Variants in CCDC178 observed in about 807,000 individuals in gnomAD.
CCDC178 encodes coiled-coil domain containing 178.
In CCDC178, 126 loss-of-function variants were observed where a neutral mutation model predicts 117.4. The ratio of observed to expected loss-of-function variants is 1.07; its 90% CI spans 0.93 to 1.24. CCDC178 has a LOEUF of 1.24. Ranked by LOEUF, CCDC178 falls within the 50% of genes most tolerant of loss-of-function variation. CCDC178 has a pLI of 0.00. For missense variants in CCDC178, 1,030 were observed against 986.9 expected (o/e 1.04, Z -0.59); for synonymous variants, 283 against 313.4 (o/e 0.90, Z 1.02).
chr18:33,417,317 T>C (rs1020395330), intron 2 of CCDC178, among the ~76,000 whole-genome samples: 2 of 152,150 alleles, frequency 1.3e-5, no homozygotes, highest in African/African-American at 4.8e-5. Context: ...CTAATTATGC[T>C]GAGTGAAAAA....
intron 21 of CCDC178, chr18:32,983,227 T>TTTTTCTG: frequency 9.9e-7 from 1 of 1,005,830 alleles, no homozygotes; most frequent in Admixed American, 2.0e-5. Context: ...TGTTAGAGGT[T>TTTTTCTG]ACAGTATTTC....
intron 21 of CCDC178, among the ~76,000 whole-genome samples, chr18:33,005,698 T>C (rs574103516): frequency 2.8e-4 from 42 of 152,202 alleles, no homozygotes; most frequent in Middle Eastern, 6.8e-3. Flanking sequence ...TGAGTGCCTT[T>C]GTTAGACTAT....
At chr18:32,951,823 C>G (rs1025117172) in intron 22 of CCDC178, among the ~76,000 whole-genome samples, 3 of 152,202 alleles carry the variant, frequency 2.0e-5, no homozygotes, top group Non-Finnish European at 4.4e-5. Flanking sequence ...TTAGTTACTT[C>G]CTAGATACAA....
At chr18:33,228,537 C>T (rs2059334742) in intron 15 of CCDC178, among the ~76,000 whole-genome samples, 1 of 152,202 alleles carries the variant, frequency 6.6e-6, no homozygotes, top group Non-Finnish European at 1.5e-5. Flanking sequence ...AAGAAAGATA[C>T]TACATTTGAA....
chr18:33,223,264 G>A (rs746934191), intron 17 of CCDC178, 45 bp from the exon 18 acceptor site: 7 of 1,527,352 alleles, frequency 4.6e-6, no homozygotes, highest in Non-Finnish European at 6.2e-6. Flanking sequence ...TTGCAACCCA[G>A]TTATCCTCAT....
chr18:33,280,951 T>C (rs1364651308), intron 12 of CCDC178, among the ~76,000 whole-genome samples: 1 of 151,988 alleles, frequency 6.6e-6, no homozygotes, highest in Admixed American at 6.6e-5. Context: ...TGGGGACTGT[T>C]GTGGGGTGGG....
At chr18:33,141,186 AAT>A (rs1172566559) in intron 20 of CCDC178, among the ~76,000 whole-genome samples, 1 of 152,192 alleles carries the variant, frequency 6.6e-6, no homozygotes, top group Non-Finnish European at 1.5e-5. Context: ...AAAACAGACT[AAT>A]ACATCCAGAA....
rs150911201 is a variant in CCDC178 at position 33,038,541 on chromosome 18, T to G, written c.2388+54220A>C. On this transcript the variant is annotated intron_variant, in intron 21 of 22. Coordinates refer to ENST00000383096, the MANE Select transcript of CCDC178 (RefSeq NM_001105528.4). ...CAAGGAATTCCAAGTGACCTCCTGT[T>G]GTAGAACAACAAAAACTTAGAATGT... is the stretch of plus-strand genomic sequence containing the variant. 2.2e-4 allele frequency among the ~76,000 whole-genome samples: 34 copies of G among 152,138 alleles called. No individual in the cohort carries two copies. The East Asian group carries it at 6.4e-3, about 29-fold the overall frequency.
Position 33,363,696 on chromosome 18 carries a change from A to T in CCDC178, c.348+6354T>A, listed in dbSNP as rs147709851. 2.9e-3 allele frequency among the ~76,000 whole-genome samples: 447 copies of T among 152,130 alleles called. 1 individual carries two copies. The highest frequency in any genetic ancestry group is 0.01 in the African/African-American group (434 of 41,520). On this transcript the variant is annotated intron_variant, in intron 6 of 22. Transcript: ENST00000383096. ...GGAGCAGTATTTGACTTTTCACTTT[A>T]GTTCATAGATCTATGGGTCAAAAGA...
intron 21 of CCDC178, among the ~76,000 whole-genome samples, chr18:33,022,459 T>G (rs900935881): frequency 9.2e-5 from 14 of 152,292 alleles, no homozygotes; most frequent in African/African-American, 3.1e-4. Flanking sequence ...GACAATTATA[T>G]TACACATGGA....
At chr18:33,303,139 A>G (rs2062200437) in intron 11 of CCDC178, among the ~76,000 whole-genome samples, 1 of 152,180 alleles carries the variant, frequency 6.6e-6, no homozygotes, top group Admixed American at 6.5e-5. Flanking sequence ...TACATATTCT[A>G]TATGTCAATC....
intron 6 of CCDC178, among the ~76,000 whole-genome samples, chr18:33,368,959 A>G (rs1207651607): frequency 6.6e-6 from 1 of 151,904 alleles, no homozygotes; most frequent in Admixed American, 6.6e-5. Flanking sequence ...ATCATTTTTA[A>G]CAACATGGGT....
At chr18:33,189,766 T>G (rs576161536) in intron 20 of CCDC178, among the ~76,000 whole-genome samples, 4 of 152,180 alleles carry the variant, frequency 2.6e-5, no homozygotes, top group Non-Finnish European at 4.4e-5. Context: ...ATTATGTTAT[T>G]ATCAACTCGG....
intron 21 of CCDC178, among the ~76,000 whole-genome samples, chr18:33,008,082 C>G (rs2055786819): frequency 6.6e-6 from 1 of 152,068 alleles, no homozygotes; most frequent in South Asian, 2.1e-4. Context: ...TGGACGAAAA[C>G]AGAATTTAAG....
In CCDC178 at chr18:33,241,966, T is replaced by C. The variant is rs1358990622; in HGVS notation, c.1593+3279A>G. 2.0e-5 allele frequency among the ~76,000 whole-genome samples: 3 copies of C among 151,630 alleles called. No individual in the cohort carries two copies. In the East Asian group the frequency reaches 5.8e-4, roughly 29 times the overall value. ...AAAAGACTTCAAATTACCAAAGCAT[T>C]CCTAGCAAAAAGATCAAAGCTGTAG... is the stretch of plus-strand genomic sequence containing the variant. On this transcript the variant is annotated intron_variant, in intron 15 of 22. Coordinates refer to ENST00000383096, the MANE Select transcript of CCDC178 (RefSeq NM_001105528.4).
intron 21 of CCDC178, among the ~76,000 whole-genome samples, chr18:32,976,300 A>C (rs768584898): frequency 6.6e-6 from 1 of 152,080 alleles, no homozygotes; most frequent in Non-Finnish European, 1.5e-5. Flanking sequence ...TATACTCATT[A>C]AGACATTTGA....
chr18:33,181,348 A>AAC (rs2058730602), intron 20 of CCDC178, among the ~76,000 whole-genome samples: 1 of 151,942 alleles, frequency 6.6e-6, no homozygotes, highest in Non-Finnish European at 1.5e-5. Flanking sequence ...AAATACTGCC[A>AAC]TTCTTATACT....
chr18:33,377,296 T>C (rs1221323911), intron 5 of CCDC178, among the ~76,000 whole-genome samples: 3 of 149,640 alleles, frequency 2.0e-5, no homozygotes, highest in Non-Finnish European at 3.0e-5. Context: ...ATAGGGTTGT[T>C]TTAAGCTTGT....
At chr18:33,091,321 A>ATTTTTTTTTTT (rs1415932731) in intron 21 of CCDC178, among the ~76,000 whole-genome samples, 4 of 18,360 alleles carry the variant, frequency 2.2e-4, no homozygotes, top group South Asian at 2.6e-3. Context: ...CACTTATTTC[A>ATTTTTTTTTTT]TTCTTTTTTT....
Sources: allele counts gnomAD v4.1 joint callset (sites outside exome capture counted in the v4.1 genomes callset), GRCh38; gene constraint gnomAD v4.1.1; transcripts MANE v1.5; gene names NCBI Gene and HGNC (gene_info 2026-07-23, HGNC 2026-07-21).